SORCS2: variants seen among roughly 807,000 people sequenced by gnomAD.
SORCS2 encodes VPS10 domain-containing receptor SorCS2.
In SORCS2, 100 loss-of-function variants were observed where a neutral mutation model predicts 141.6. The observed-to-expected ratio is 0.71, with a 90% CI of 0.60 to 0.83. The LOEUF is 0.83. SORCS2 is among the 40% of genes least tolerant of loss of function. The pLI is 0.00. For missense variants in SORCS2, 1,646 were observed against 1,560.2 expected, an observed-to-expected ratio of 1.05 and a Z score of -0.93; for synonymous variants, 789 against 676.9, an observed-to-expected ratio of 1.17 and a Z score of -2.57.
chr4:7,612,817 G>C (rs1718501625), intron 3 of SORCS2, among the ~76,000 whole-genome samples: 1 of 150,880 alleles, frequency 6.6e-6, no homozygotes, highest in Admixed American at 6.6e-5. Flanking sequence ...CGTTAGGCCT[G>C]GTACAAAGCC....
Position 7,321,660 on chromosome 4 carries a change from G to A in SORCS2, c.481-74628G>A, listed in dbSNP as rs78355242. On this transcript the variant is annotated intron_variant, in intron 1 of 26. Coordinates refer to ENST00000507866, the MANE Select transcript of SORCS2 (RefSeq NM_020777.3). ...TTCTGAGTGGGCACAAGACCAGGTG[G>A]GCTCCAGGCCTAAAGAGGGCTGGGC... Among the ~76,000 whole-genome samples, 284 of 152,344 alleles carry A rather than the reference G, an allele frequency of 1.9e-3. 3 individuals carry two copies. In the East Asian group the frequency reaches 0.052, roughly 28 times the overall value.
intron 1 of SORCS2, among the ~76,000 whole-genome samples, chr4:7,206,871 G>A (rs1390166399): frequency 6.6e-6 from 1 of 152,140 alleles, no homozygotes; most frequent in African/African-American, 2.4e-5. Flanking sequence ...CCATGAGATG[G>A]GTTTGCTCAG....
chr4:7,342,616 G>T (rs1720428739), intron 1 of SORCS2, among the ~76,000 whole-genome samples: 1 of 152,250 alleles, frequency 6.6e-6, no homozygotes, highest in South Asian at 2.1e-4. Context: ...TTGGGGCCCG[G>T]CCTGCTTGCA....
chr4:7,520,072 C>A (rs527898323), intron 2 of SORCS2, among the ~76,000 whole-genome samples: 3 of 152,298 alleles, frequency 2.0e-5, no homozygotes, highest in African/African-American at 7.2e-5. Context: ...TGATGAGGGC[C>A]CTTGGGGGCT....
chr4:7,306,732 C>T (rs527664679), intron 1 of SORCS2, among the ~76,000 whole-genome samples: 2 of 152,222 alleles, frequency 1.3e-5, no homozygotes, highest in East Asian at 3.9e-4. Context: ...TTCCTGTGGA[C>T]GGATCTCCAT....
chr4:7,561,187 T>G (rs1281325780), intron 3 of SORCS2, among the ~76,000 whole-genome samples: 1 of 152,214 alleles, frequency 6.6e-6, no homozygotes, highest in Non-Finnish European at 1.5e-5. Flanking sequence ...TTCGTGGCCC[T>G]TTATTCAAAC....
intron 1 of SORCS2, among the ~76,000 whole-genome samples, chr4:7,274,049 ATC>A (rs916508409): frequency 7.9e-5 from 12 of 152,192 alleles, no homozygotes; most frequent in African/African-American, 2.9e-4. Context: ...ACACATGTGG[ATC>A]TCTCTCTCCT....
chr4:7,531,586 C>T lies in SORCS2; in HGVS notation c.605C>T (p.Thr202Ile), dbSNP rs1314494416. ...CTCACCCTCCAGCCTGGTGTCACCA[C>T]CGTCATCGACAATTTCTACATCTGC... ...TKLTLQPGVTTVIDNFYICPT... is the reference protein window; with the variant it reads ...TKLTLQPGVTIVIDNFYICPT... The change falls in exon 3 of 27, where the codon ACC becomes ATC. Residue 202 changes from threonine to isoleucine, a missense_variant. Thr to Ile is a moderately conservative substitution (Grantham distance 89). Coordinates refer to ENST00000507866, the MANE Select transcript of SORCS2 (RefSeq NM_020777.3). The T allele has an allele frequency of 6.2e-7, 1 of 1,613,922 alleles. No homozygotes were observed. Among genetic ancestry groups the T allele is most frequent in the Non-Finnish European group, 8.5e-7 (1 of 1,179,864 alleles).
In SORCS2 at chr4:7,617,882, G is replaced by T. The variant is rs1718873894; in HGVS notation, c.649-20446G>T. On this transcript the variant is annotated intron_variant, in intron 3 of 26. Transcript: ENST00000507866. ...TGAGCCGCCTACCGGTGCCGCCCCA[G>T]CTCTGCCTCACCTTCCAGCTGGGGC... Among the ~76,000 whole-genome samples the T allele has an allele frequency of 2.0e-5, 3 of 152,132 alleles. 1 individual carries two copies. The South Asian group carries it at 6.2e-4, about 31-fold the overall frequency.
intron 1 of SORCS2, among the ~76,000 whole-genome samples, chr4:7,214,944 A>C (rs1469256099): frequency 6.7e-6 from 1 of 150,062 alleles, no homozygotes; most frequent in African/African-American, 2.5e-5. Flanking sequence ...AATCTTTAGA[A>C]AGTGAGAGGT....
At chr4:7,422,984 G>A (rs986000108) in intron 2 of SORCS2, among the ~76,000 whole-genome samples, 10 of 137,910 alleles carry the variant, frequency 7.3e-5, no homozygotes, top group African/African-American at 2.8e-4. Flanking sequence ...CCCAGCACCT[G>A]CCACCCCTCC....
At chr4:7,318,691 C>T (rs6816762) in intron 1 of SORCS2, among the ~76,000 whole-genome samples, 89,357 of 152,018 alleles carry the variant, frequency 0.59, 26,337 homozygotes, top group South Asian at 0.72. Context: ...CCACACAGCC[C>T]CTTATCCACA....
intron 1 of SORCS2, among the ~76,000 whole-genome samples, chr4:7,196,483 A>T (rs974135523): frequency 4.6e-5 from 7 of 152,020 alleles, no homozygotes; most frequent in Admixed American, 3.9e-4. Context: ...GCTCCTTCCC[A>T]CAAGGCACTT....
At chr4:7,335,775 G>C (rs955978980) in intron 1 of SORCS2, among the ~76,000 whole-genome samples, 4 of 152,244 alleles carry the variant, frequency 2.6e-5, no homozygotes, top group Non-Finnish European at 5.9e-5. Flanking sequence ...TCCCGGCTGG[G>C]GGGTGTGGCG....
intron 3 of SORCS2, among the ~76,000 whole-genome samples, chr4:7,616,469 C>T (rs964787998): frequency 1.3e-5 from 2 of 152,172 alleles, no homozygotes; most frequent in Admixed American, 1.3e-4. Context: ...ATTCATCCAT[C>T]CTCTAGCCCC....
rs73796659 is a variant in SORCS2, at chr4:7,371,460, C to G, written c.481-24828C>G. ...TTTCATACTTAGGCCTCACGCTCCG[C>G]CTTGCTCTGCTTCCACATTTCGTTG... On this transcript the variant is annotated intron_variant, in intron 1 of 26. Transcript: ENST00000507866. 1.7e-3 allele frequency among the ~76,000 whole-genome samples: 254 copies of G among 152,336 alleles called. 1 individual carries two copies. The highest frequency in any genetic ancestry group is 6.0e-3 in the African/African-American group (249 of 41,580).
intron 2 of SORCS2, among the ~76,000 whole-genome samples, chr4:7,409,418 G>A (rs1158989422): frequency 2.0e-5 from 3 of 152,220 alleles, no homozygotes; most frequent in Non-Finnish European, 4.4e-5. Flanking sequence ...TGGTGCTGCT[G>A]AACAGACACT....
intron 24 of SORCS2, 67 bp from the exon 25 acceptor site, chr4:7,734,205 T>C: frequency 9.1e-7 from 1 of 1,096,234 alleles, no homozygotes; most frequent in Non-Finnish European, 1.3e-6. Context: ...ACAGACGGGA[T>C]GGGCTGGGGA....
intron 4 of SORCS2, among the ~76,000 whole-genome samples, chr4:7,650,234 G>C (rs1721345591): frequency 6.6e-6 from 1 of 152,242 alleles, no homozygotes; most frequent in African/African-American, 2.4e-5. Context: ...GTCTGCACGA[G>C]GTATTGTTAG....
Sources: allele counts gnomAD v4.1 joint callset (sites outside exome capture counted in the v4.1 genomes callset), GRCh38; gene constraint gnomAD v4.1.1; transcripts MANE v1.5; gene names NCBI Gene and HGNC (gene_info 2026-07-23, HGNC 2026-07-21).